VPS13D: variants seen among roughly 807,000 people sequenced by gnomAD.
The protein encoded by VPS13D is intermembrane lipid transfer protein VPS13D.
Under a neutral mutation model 461.9 loss-of-function variants are expected in VPS13D, and 187 were observed. The observed-to-expected ratio is 0.40, with a 90% CI of 0.36 to 0.46. The LOEUF (loss-of-function observed/expected upper bound fraction) is 0.46. Ranked by LOEUF, VPS13D falls within the 20% of genes least tolerant of loss-of-function variation. The pLI is 0.60. For synonymous variants in VPS13D, 1,951 were observed against 1,986.3 expected (o/e 0.98, Z 0.47); for missense variants, 4,711 against 5,364.9 (o/e 0.88, Z 3.81).
intron 65 of VPS13D, among the ~76,000 whole-genome samples, chr1:12,434,794 T>A (rs958435110): frequency 1.3e-5 from 2 of 152,240 alleles, no homozygotes; most frequent in African/African-American, 4.8e-5. Context: ...TAGATTAATC[T>A]TGTACTACAT....
At chr1:12,237,419 A>G (rs983846591) in intron 2 of VPS13D, among the ~76,000 whole-genome samples, 2 of 143,310 alleles carry the variant, frequency 1.4e-5, no homozygotes, top group African/African-American at 2.6e-5. Flanking sequence ...CTTGAGCTGG[A>G]GAGGTTGAGG....
At chr1:12,385,820 G>A (rs751812070) in intron 59 of VPS13D, among the ~76,000 whole-genome samples, 1 of 152,206 alleles carries the variant, frequency 6.6e-6, no homozygotes, top group Non-Finnish European at 1.5e-5. Context: ...GTAAAACACT[G>A]TGTTGGGTGC....
chr1:12,419,476 A>G (rs549627742), intron 65 of VPS13D, among the ~76,000 whole-genome samples: 1 of 152,338 alleles, frequency 6.6e-6, no homozygotes, highest in African/African-American at 2.4e-5. Context: ...CAGGCTGTAC[A>G]GGAGGCATGA....
At chr1:12,247,850 T>C (rs888989502) in intron 5 of VPS13D, among the ~76,000 whole-genome samples, 4 of 151,284 alleles carry the variant, frequency 2.6e-5, no homozygotes, top group Middle Eastern at 3.2e-3. Flanking sequence ...ATTACAGGCC[T>C]GCGCTATCAT....
At chr1:12,268,012 A>G in intron 15 of VPS13D, 92 bp downstream of exon 15, 1 of 1,087,404 alleles carries the variant, frequency 9.2e-7, no homozygotes, top group Non-Finnish European at 1.3e-6. Context: ...CCCAGGCTGG[A>G]GTGCAGTGGT....
intron 26 of VPS13D, 21 bp from the exon 27 acceptor site, chr1:12,308,410 T>G: frequency 6.2e-7 from 1 of 1,613,784 alleles, no homozygotes; most frequent in Non-Finnish European, 8.5e-7. Context: ...TCATTACCTC[T>G]CTTTCCTTGG....
At chr1:12,456,192 T>C in intron 66 of VPS13D, 62 bp downstream of exon 66, 1 of 1,545,354 alleles carries the variant, frequency 6.5e-7, no homozygotes, top group Non-Finnish European at 8.7e-7. Context: ...TTTGTATCAA[T>C]CTGATTGCAG....
Position 12,348,898 on chromosome 1 carries a change from C to T in VPS13D, c.9145C>T (p.Arg3049Trp), listed in dbSNP as rs200361851. ...CAGTGCACGGAAAGTCATCACTGTC[C>T]GGTCAGCCCTCATTGTGAGGAACAG... ...EGSARKVITV[R>W]SALIVRNRLE... Residue 3049 changes from arginine (R) to tryptophan (W), a missense_variant, in exon 45 of 70, where the codon CGG becomes TGG. By Grantham distance (101) the Arg-to-Trp change is moderately radical. Coordinates refer to ENST00000620676, the MANE Select transcript of VPS13D (RefSeq NM_015378.4). 6 of 1,614,012 alleles carry T rather than the reference C, an allele frequency of 3.7e-6. No homozygotes were observed. The highest frequency in any genetic ancestry group is 2.2e-5 in the East Asian group (1 of 44,886).
In VPS13D at chr1:12,505,671, C is replaced by CT. The variant is rs752283517; in HGVS notation, c.12795-1180dup. 6.6e-6 allele frequency among the ~76,000 whole-genome samples: 1 copy of CT among 152,220 alleles called. No individual in the cohort carries two copies. The highest frequency in any genetic ancestry group is 1.5e-5 in the Non-Finnish European group (1 of 68,048). The stretch of plus-strand genomic sequence containing the variant: ...GACATGTGGAAAGAATGAGTTTGTG[C>CT]TTGGCCATGCTTTGGGGGCCATCAC... On this transcript the variant is annotated intron_variant, in intron 68 of 69. Coordinates refer to ENST00000620676, the MANE Select transcript of VPS13D (RefSeq NM_015378.4). The surrounding 1 kb of genome is among the most constrained non-coding windows in gnomAD (Gnocchi z 4.2).
chr1:12,411,198 GTT>G (rs1644722802), intron 63 of VPS13D, among the ~76,000 whole-genome samples: 1 of 152,112 alleles, frequency 6.6e-6, no homozygotes, highest in South Asian at 2.1e-4. Flanking sequence ...AAACACGATC[GTT>G]TACTAGAAAA....
intron 55 of VPS13D, among the ~76,000 whole-genome samples, 200 bp from the exon 56 acceptor site, chr1:12,378,228 G>T (rs929595158): frequency 3.3e-5 from 5 of 152,182 alleles, no homozygotes; most frequent in Non-Finnish European, 7.3e-5. Flanking sequence ...GGTTCAAGAG[G>T]TTAGCATATT....
chr1:12,358,019 A>G (rs1271891211), intron 49 of VPS13D, among the ~76,000 whole-genome samples: 2 of 151,478 alleles, frequency 1.3e-5, no homozygotes, highest in Non-Finnish European at 2.9e-5. Flanking sequence ...AAAAAAAAAA[A>G]GTATCAGCCC....
Position 12,276,574 on chromosome 1 carries a change from G to A in VPS13D, c.2986G>A (p.Val996Ile). 6.2e-7 allele frequency: 1 copy of A among 1,614,196 alleles called. No individual in the cohort carries two copies. The highest frequency in any genetic ancestry group is 8.5e-7 in the Non-Finnish European group (1 of 1,180,042). Residue 996 changes from valine (V) to isoleucine (I), a missense_variant, in exon 19 of 70, where the codon GTC becomes ATC. Val to Ile is a conservative substitution (Grantham distance 29). Around this residue, in one of 3 missense-constraint regions of VPS13D, gnomAD observed 4,411 missense variants for 4,937.8 expected, o/e 0.89. Coordinates refer to ENST00000620676, the MANE Select transcript of VPS13D (RefSeq NM_015378.4). This position sits in a 1 kb window ranked among gnomAD's most constrained non-coding sequence, Gnocchi z 4.5. ...HFVKRPYDAE[V>I]SLTVHGLLLV... Reference sequence around the variant, plus strand: ...TGTGAAGAGGCCTTATGATGCTGAAGTCTCCCTAACTGTTCATGGTTTGCT... The same window carrying A: ...TGTGAAGAGGCCTTATGATGCTGAAATCTCCCTAACTGTTCATGGTTTGCT...
intron 40 of VPS13D, among the ~76,000 whole-genome samples, chr1:12,341,486 T>C (rs1443098822): frequency 1.3e-5 from 2 of 152,200 alleles, no homozygotes; most frequent in Admixed American, 1.3e-4. Context: ...GGGAGGTCCA[T>C]TTTTATTTCT....
rs1405518969 is a variant in VPS13D, at chr1:12,316,741, T to C, written c.7149-1331T>C. ...CTTTTATGTCAGGGAACCAGGTACA[T>C]GTAGTAGCTACAACCCCAGAGTCGC... On this transcript the variant is annotated intron_variant, in intron 30 of 69. Transcript: ENST00000620676. Among the ~76,000 whole-genome samples, 6 of 152,306 alleles carry C rather than the reference T, an allele frequency of 3.9e-5. No homozygotes were observed. The East Asian group carries it at 7.7e-4, about 20-fold the overall frequency.
intron 16 of VPS13D, among the ~76,000 whole-genome samples, chr1:12,269,826 C>T (rs973214948): frequency 4.6e-5 from 7 of 152,010 alleles, no homozygotes; most frequent in Admixed American, 1.3e-4. Context: ...CCATAAATGC[C>T]GTGACTTCAT....
At chr1:12,237,543 G>A (rs1483783189) in intron 2 of VPS13D, among the ~76,000 whole-genome samples, 1 of 149,584 alleles carries the variant, frequency 6.7e-6, no homozygotes, top group Admixed American at 6.7e-5. Flanking sequence ...TTGAGGTCGG[G>A]TGTGGTGCCT....
At chr1:12,454,026 A>G (rs894769055) in intron 65 of VPS13D, 1 of 152,220 alleles carries the variant, frequency 6.6e-6, no homozygotes, top group Admixed American at 6.5e-5. Flanking sequence ...GCTTCCCTCA[A>G]ACGCTGCAGG....
rs756846051 is a variant in VPS13D, at chr1:12,268,696, T to C, written c.1802-10T>C. The C allele has an allele frequency of 1.4e-5, 23 of 1,611,874 alleles. No individual in the cohort carries two copies. The highest frequency in any genetic ancestry group is 1.9e-5 in the Non-Finnish European group (22 of 1,179,374). The stretch of plus-strand genomic sequence containing the variant: ...TTGTTCCGTGTTCTTATTCCTGTTC[T>C]TTCCTTTAGCTGCAGATCCAGATGG... On this transcript the variant is annotated splice_polypyrimidine_tract_variant and intron_variant, in intron 15 of 69. Coordinates refer to ENST00000620676, the MANE Select transcript of VPS13D (RefSeq NM_015378.4).
Sources: gnomAD v4.1 joint callset for allele counts (sites outside exome capture counted in the v4.1 genomes callset) on GRCh38, gnomAD v4.1.1 for gene constraint, gnomAD v4.1.1 regional missense constraint, Gnocchi (gnomAD v3.1) non-coding constraint, MANE v1.5 for transcripts, NCBI Gene and HGNC (gene_info 2026-07-23, HGNC 2026-07-21) for gene names.